The following LIMK1 variants were observed in gnomAD, a reference collection of about 807,000 sequenced individuals.
LIMK1 encodes the protein LIM domain kinase 1.
In LIMK1, 21 loss-of-function variants were observed where a neutral mutation model predicts 77.6. That is an observed-to-expected ratio of 0.27 (90% CI 0.19 to 0.39). The LOEUF is 0.39. Among genes scored for constraint, LIMK1 ranks in the 10% least tolerant of loss-of-function variants. LIMK1 has a pLI of 1.00. For missense variants in LIMK1, 696 were observed against 901.6 expected (o/e 0.77, Z 2.92); for synonymous variants, 358 against 370.0 (o/e 0.97, Z 0.37).
chr7:74,109,503 C>T (rs1257418312), intron 10 of LIMK1: 5 of 177,462 alleles, frequency 2.8e-5, no homozygotes, highest in African/African-American at 1.2e-4. Flanking sequence ...AGCAGATCAC[C>T]TGAGGTCAGG....
At chr7:74,089,852 A>T (rs1476939774) in intron 2 of LIMK1, among the ~76,000 whole-genome samples, 1 of 152,078 alleles carries the variant, frequency 6.6e-6, no homozygotes, top group African/African-American at 2.4e-5. Context: ...AATGAAGGGA[A>T]GAACTTTGGG....
At position 74,121,614 on chromosome 7, in the gene LIMK1, C is replaced by G. The variant is rs1799941780; in HGVS notation, c.*313C>G. Reference sequence around the variant, plus strand: ...TGTGAGTTACGCCCCTTTCCACACGCCGCTGCCCCAGCAACCCTGTTCACG... The same window carrying G: ...TGTGAGTTACGCCCCTTTCCACACGGCGCTGCCCCAGCAACCCTGTTCACG... On this transcript the variant is annotated 3_prime_UTR_variant, in exon 16 of 16. Coordinates refer to ENST00000336180, the MANE Select transcript of LIMK1 (RefSeq NM_002314.4). 1.4e-5 allele frequency: 5 copies of G among 349,818 alleles called. No individual in the cohort carries two copies. The Admixed American group carries it at 1.8e-4, about 12-fold the overall frequency. The allele number at this position is 349,818 out of a possible 1,614,324, so 21.7% of individuals were successfully genotyped here.
chr7:74,111,090 G>A (rs1422138657), intron 10 of LIMK1: 1 of 154,032 alleles, frequency 6.5e-6, no homozygotes, highest in African/African-American at 2.4e-5. Flanking sequence ...ACAAAAATTA[G>A]CTGGGTTTGG....
intron 2 of LIMK1, among the ~76,000 whole-genome samples, chr7:74,096,411 G>A (rs1799337340): frequency 1.3e-5 from 2 of 152,044 alleles, no homozygotes; most frequent in African/African-American, 4.8e-5. Flanking sequence ...TGAGGCAGGA[G>A]GATCACTTGA....
At position 74,097,186 on chromosome 7, in the gene LIMK1, A is replaced by C; in HGVS notation, c.398A>C (p.Tyr133Ser). The change falls in exon 4 of 16, where the codon TAC becomes TCC. Residue 133 changes from tyrosine to serine, a missense_variant. Around this residue, in one of 3 missense-constraint regions of LIMK1, gnomAD observed 252 missense variants for 279.4 expected, o/e 0.90. Coordinates refer to ENST00000336180, the MANE Select transcript of LIMK1 (RefSeq NM_002314.4). The part of the protein sequence containing the change: ...TYTLVEHSKL[Y>S]CGHCYYQTVV... ...ACGCTGGTGGAGCACTCCAAGCTGT[A>C]CTGGTGAGTGCCTTGGCCCCTCCCT... 1 of 1,604,270 alleles carries C rather than the reference A, an allele frequency of 6.2e-7. No homozygotes were observed. Among genetic ancestry groups the C allele is most frequent in the Admixed American group, 1.7e-5 (1 of 59,114 alleles).
In LIMK1 at chr7:74,085,818, C is replaced by A. The variant is rs377360444; in HGVS notation, c.126C>A (p.Asn42Lys). 3.2e-6 allele frequency: 5 copies of A among 1,559,412 alleles called. No individual in the cohort carries two copies. The highest frequency in any genetic ancestry group is 3.5e-6 in the Non-Finnish European group (4 of 1,151,700). The stretch of plus-strand genomic sequence containing the variant: ...ATGGCCAGTACCTCCAGGCCCTGAA[C>A]GCGGACTGGCACGCAGACTGCTTCA... ...IYDGQYLQAL[N>K]ADWHADCFRC... The change falls in exon 2 of 16, where the codon AAC becomes AAA. Residue 42 changes from asparagine (N) to lysine (K), a missense_variant. Physicochemically the swap from Asn to Lys is moderately conservative, Grantham distance 94. Transcript: ENST00000336180.
chr7:74,117,082 C>T (rs1554699650), intron 13 of LIMK1, among the ~76,000 whole-genome samples: 2 of 152,034 alleles, frequency 1.3e-5, no homozygotes, highest in South Asian at 2.1e-4. Flanking sequence ...GGGGTTTCAC[C>T]GTGTTAGCCA....
At chr7:74,120,052 T>C (rs1256898428) in intron 13 of LIMK1, among the ~76,000 whole-genome samples, 2 of 152,172 alleles carry the variant, frequency 1.3e-5, no homozygotes, top group South Asian at 2.1e-4. Context: ...TTTGCATTCC[T>C]GGGCTTGTGG....
At chr7:74,109,949 G>A (rs1315793394) in intron 10 of LIMK1, 1 of 152,248 alleles carries the variant, frequency 6.6e-6, no homozygotes, top group African/African-American at 2.4e-5. Context: ...CTGAGACCAT[G>A]GGATCTTCCT....
chr7:74,097,542 G>A (rs1554695881), intron 4 of LIMK1, among the ~76,000 whole-genome samples: 1 of 152,180 alleles, frequency 6.6e-6, no homozygotes, highest in African/African-American at 2.4e-5. Flanking sequence ...CAGGTGTGGT[G>A]GCGGGTGCCT....
At chr7:74,095,362 A>AG (rs782206181) in intron 2 of LIMK1, among the ~76,000 whole-genome samples, 1 of 152,094 alleles carries the variant, frequency 6.6e-6, no homozygotes, top group East Asian at 1.9e-4. Context: ...AGCAGGACCC[A>AG]GGGGGGCACA....
At chr7:74,093,152 C>T in intron 2 of LIMK1, 3 of 1,503,942 alleles carry the variant, frequency 2.0e-6, no homozygotes, top group Non-Finnish European at 2.7e-6. Flanking sequence ...CCTCTGCAGC[C>T]TCCAATCCTG....
At chr7:74,117,005 C>A (rs529504074) in intron 13 of LIMK1, among the ~76,000 whole-genome samples, 3 of 152,084 alleles carry the variant, frequency 2.0e-5, no homozygotes, top group Non-Finnish European at 2.9e-5. Flanking sequence ...CCTCAGCCTC[C>A]CGAGTAGCTG....
At chr7:74,093,143 C>G in intron 2 of LIMK1, 1 of 1,477,476 alleles carries the variant, frequency 6.8e-7, no homozygotes, top group Non-Finnish European at 9.0e-7. Context: ...TGGCCCCACC[C>G]TCTGCAGCCT....
In LIMK1 at chr7:74,095,288, G is replaced by A. The variant is rs568841293; in HGVS notation, c.153-1334G>A. On this transcript the variant is annotated intron_variant, in intron 2 of 15. Transcript: ENST00000336180. ...CATAGCACCCAAACAGTGGCAGAGC[G>A]GGACGGACCCCCTAGCCTGTTCTCT... Among the ~76,000 whole-genome samples the A allele has an allele frequency of 1.1e-4, 16 of 152,292 alleles. 1 individual carries two copies. Among genetic ancestry groups the A allele is most frequent in the East Asian group, 1.9e-4 (1 of 5,174 alleles).
chr7:74,096,174 A>G (rs1170450381), intron 2 of LIMK1, among the ~76,000 whole-genome samples: 1 of 151,438 alleles, frequency 6.6e-6, no homozygotes, highest in African/African-American at 2.4e-5. Flanking sequence ...CATGTTGGCC[A>G]GGCTGGTCTC....
intron 4 of LIMK1, 115 bp from the exon 5 acceptor site, chr7:74,098,912 CAAAAA>C (rs34911416): frequency 9.2e-4 from 536 of 582,632 alleles, no homozygotes; most frequent in South Asian, 1.3e-3. Flanking sequence ...GACTCCATCT[CAAAAA>C]AAAAAAAAAA....
Position 74,096,586 on chromosome 7 carries a change from G to A in LIMK1, c.153-36G>A, listed in dbSNP as rs576576248. 2.2e-4 allele frequency: 354 copies of A among 1,613,238 alleles called. 5 individuals are homozygous for A. The South Asian group carries it at 3.3e-3, about 15-fold the overall frequency. On this transcript the variant is annotated intron_variant, in intron 2 of 15. Transcript: ENST00000336180. ...GGGCCCAGGTGAGGTGGAGGAGGGCGGGAGTGGACGTCTCAGCCCGGCCCC... is the reference window on the plus strand; with the variant it reads ...GGGCCCAGGTGAGGTGGAGGAGGGCAGGAGTGGACGTCTCAGCCCGGCCCC...
intron 9 of LIMK1, 144 bp from the exon 10 acceptor site, chr7:74,108,761 G>A: frequency 2.3e-6 from 3 of 1,322,794 alleles, no homozygotes; most frequent in East Asian, 2.6e-5. Context: ...GCCAGAGGGT[G>A]TGGCAGAGGC....
Sources: gnomAD v4.1 joint callset for allele counts (sites outside exome capture counted in the v4.1 genomes callset) on GRCh38, gnomAD v4.1.1 for gene constraint, gnomAD v4.1.1 regional missense constraint, MANE v1.5 for transcripts, NCBI Gene and HGNC (gene_info 2026-07-23, HGNC 2026-07-21) for gene names.